Variants in ATAD5 observed in about 807,000 individuals in gnomAD.
The protein encoded by ATAD5 is ATPase family AAA domain containing 5.
ATAD5 carries 58 observed loss-of-function variants against 176.9 expected under a neutral mutation model. The observed-to-expected ratio is 0.33, with a 90% CI of 0.27 to 0.41. The LOEUF is 0.41. Ranked by LOEUF, ATAD5 falls within the 10% of genes least tolerant of loss-of-function variation. The pLI is 1.00. For missense variants in ATAD5, 1,789 were observed against 2,094.1 expected (o/e 0.85, Z 2.84); for synonymous variants, 640 against 712.6 (o/e 0.90, Z 1.62).
rs770875593 is a variant in ATAD5, at chr17:30,855,218, G to T, written c.2526G>T (p.Leu842Phe). 1 of 1,614,112 alleles carries T rather than the reference G, an allele frequency of 6.2e-7. No individual in the cohort carries two copies. Among genetic ancestry groups the T allele is most frequent in the Non-Finnish European group, 8.5e-7 (1 of 1,179,998 alleles). Residue 842 changes from leucine (L) to phenylalanine (F), a missense_variant, in exon 7 of 23, where the codon TTG (leucine) becomes TTT (phenylalanine). Physicochemically the swap from Leu to Phe is conservative, Grantham distance 22. Around this residue, in one of 6 missense-constraint regions of ATAD5, gnomAD observed 487 missense variants for 573.6 expected, o/e 0.85. Coordinates refer to ENST00000321990, the MANE Select transcript of ATAD5 (RefSeq NM_024857.5). ...KAKRDFLMSG[L>F]PDLLKRQIAK... is the part of the protein sequence containing the mutation. The stretch of plus-strand genomic sequence containing the variant: ...AGCGTGACTTCCTAATGAGTGGTTT[G>T]CCAGATTTGTTGAAACGGCAAATTG...
rs958403731 is a variant in ATAD5 at position 30,894,484 on chromosome 17, G to C, written c.5298-80G>C. 10 of 1,402,608 alleles carry C rather than the reference G, an allele frequency of 7.1e-6. No individual in the cohort carries two copies. In the Admixed American group the frequency reaches 1.9e-4, roughly 26 times the overall value. 86.9% of individuals were successfully genotyped at this position (1,402,608 alleles called of 1,614,324 possible). A position where few individuals can be genotyped will look rare whatever the true frequency, so the allele number is the denominator to read the frequency against. On this transcript the variant is annotated intron_variant, in intron 21 of 22. Transcript: ENST00000321990. ...GTCATCTGGTCTAGACCAGAGGCAA[G>C]GAAACTAAACTGGTTGTGATTGGGA...
intron 10 of ATAD5, chr17:30,862,812 A>G (rs7342938): frequency 0.24 from 35,798 of 152,092 alleles, 6,428 homozygotes; most frequent in African/African-American, 0.5. Flanking sequence ...TACAGGATGA[A>G]TATCCCTAAT....
At chr17:30,865,855 T>C in intron 11 of ATAD5, 55 bp downstream of exon 11, 1 of 1,209,228 alleles carries the variant, frequency 8.3e-7, no homozygotes, top group Non-Finnish European at 1.2e-6. Context: ...GTTTTACTGT[T>C]TTTGTTTCGA....
At position 30,858,255 on chromosome 17, in the gene ATAD5, A is replaced by G; in HGVS notation, c.2888A>G (p.Tyr963Cys). 1 of 1,598,170 alleles carries G rather than the reference A, an allele frequency of 6.3e-7. No individual in the cohort carries two copies. The highest frequency in any genetic ancestry group is 8.5e-7 in the Non-Finnish European group (1 of 1,172,376). Residue 963 changes from tyrosine to cysteine, a missense_variant, in exon 9 of 23, where the codon TAT becomes TGT. Coordinates refer to ENST00000321990, the MANE Select transcript of ATAD5 (RefSeq NM_024857.5). The part of the protein sequence containing the change: ...WSNPEFSLKK[Y>C]FPLLLKKQIE... ...AATCCTGAATTTTCATTGAAAAAAT[A>G]TTTTCCCTTACTCCTAAAAAAACAA...
chr17:30,845,482 T>G (rs1229977403), intron 6 of ATAD5, among the ~76,000 whole-genome samples: 1 of 152,174 alleles, frequency 6.6e-6, no homozygotes. Flanking sequence ...CAGAGAGAAC[T>G]GTCTATGTAA....
chr17:30,852,871 A>T (rs1174106920), intron 6 of ATAD5, among the ~76,000 whole-genome samples: 8 of 151,108 alleles, frequency 5.3e-5, no homozygotes, highest in Non-Finnish European at 1.2e-4. Context: ...TGCCTCCAAC[A>T]TTGGAGGTTA....
intron 18 of ATAD5, 96 bp from the exon 19 acceptor site, chr17:30,887,096 G>A (rs1909364649): frequency 9.1e-7 from 1 of 1,094,326 alleles, no homozygotes; most frequent in East Asian, 2.8e-5. Context: ...GTGAATTTTA[G>A]CAAAATTTGT....
At chr17:30,894,177 T>A in intron 21 of ATAD5, 27 bp downstream of exon 21, 1 of 1,488,170 alleles carries the variant, frequency 6.7e-7, no homozygotes. Flanking sequence ...TTACTTTTTA[T>A]TTTTTGGTAA....
At position 30,893,695 on chromosome 17, in the gene ATAD5, A is replaced by G. The variant is rs1161002522; in HGVS notation, c.4842A>G (p.Arg1614=). Residue 1614 remains arginine, a synonymous_variant, in exon 21 of 23, where the codon AGA becomes AGG. Transcript: ENST00000321990. ...CCGGAGACGAAGAAAGCAAAGCCAG[A>G]GACAAAGGAAACAATCCAGAGACAA... ...SKTGDEESKA[R]DKGNNPETKK... 6.2e-7 allele frequency: 1 copy of G among 1,613,506 alleles called. No homozygotes were observed. Among genetic ancestry groups the G allele is most frequent in the Admixed American group, 1.7e-5 (1 of 59,916 alleles).
At chr17:30,847,076 A>G (rs1906554080) in intron 6 of ATAD5, among the ~76,000 whole-genome samples, 1 of 152,088 alleles carries the variant, frequency 6.6e-6, no homozygotes, top group Non-Finnish European at 1.5e-5. Flanking sequence ...ATAAAAATAT[A>G]GAACATTTTC....
chr17:30,876,030 G>A (rs778480639), intron 14 of ATAD5, among the ~76,000 whole-genome samples: 24 of 151,420 alleles, frequency 1.6e-4, no homozygotes, highest in Non-Finnish European at 3.4e-4. Context: ...CCAGCTACTC[G>A]GGAGGCTGAG....
chr17:30,879,496 T>TGGAGCAGCC lies in ATAD5; in HGVS notation c.4077+9_4077+10insGGAGCAGCC. 1 of 1,583,942 alleles carries TGGAGCAGCC rather than the reference T, an allele frequency of 6.3e-7. No individual in the cohort carries two copies. Among genetic ancestry groups the TGGAGCAGCC allele is most frequent in the Non-Finnish European group, 8.5e-7 (1 of 1,169,748 alleles). The stretch of plus-strand genomic sequence containing the variant: ...TCAGTACTCCTTCCCTGGTAAGTTT[T>TGGAGCAGCC]AAATTTTGATAGCCACAAATTACAT... On this transcript the variant is annotated intron_variant, in intron 18 of 22. Transcript: ENST00000321990.
intron 6 of ATAD5, among the ~76,000 whole-genome samples, chr17:30,852,021 G>A (rs958111982): frequency 4.6e-5 from 7 of 152,108 alleles, no homozygotes; most frequent in African/African-American, 1.7e-4. Flanking sequence ...CTGCAATTAT[G>A]GGCCTTAATA....
intron 4 of ATAD5, among the ~76,000 whole-genome samples, chr17:30,843,631 CAGAG>C (rs947807085): frequency 5.5e-5 from 8 of 145,442 alleles, no homozygotes; most frequent in African/African-American, 1.8e-4. Context: ...GCCTGGGCGA[CAGAG>C]AGAGACTCCA....
intron 20 of ATAD5, 36 bp downstream of exon 20, chr17:30,892,824 T>C (rs2142457974): frequency 2.1e-6 from 3 of 1,457,110 alleles, no homozygotes; most frequent in South Asian, 1.4e-5. Context: ...GTTGAATTTA[T>C]ATTCCTTTTC....
chr17:30,834,145 C>A lies in ATAD5; in HGVS notation c.67-3C>A. On this transcript the variant is annotated splice_polypyrimidine_tract_variant and splice_region_variant and intron_variant, in intron 1 of 22. Transcript: ENST00000321990. ...AGTGCCTTTTTCTCTTTTAAATTGC[C>A]AGCCATGCAAAAAGCGAAAGAAAGA... is the stretch of plus-strand genomic sequence containing the variant. 6.5e-7 allele frequency: 1 copy of A among 1,527,940 alleles called. No homozygotes were observed. The highest frequency in any genetic ancestry group is 8.7e-7 in the Non-Finnish European group (1 of 1,143,518). The allele number at this position is 1,527,940 out of a possible 1,614,324, so 94.6% of individuals were successfully genotyped here. A position where few individuals can be genotyped will look rare whatever the true frequency, so the allele number is the denominator to read the frequency against.
rs1906843988 is a variant in ATAD5 at position 30,850,828 on chromosome 17, T to C, written c.2451-4315T>C. The stretch of plus-strand genomic sequence containing the variant: ...AAAGAAATTATTATTTATATTTATA[T>C]ATTTTTATATATATATATATATATA... On this transcript the variant is annotated intron_variant, in intron 6 of 22. Transcript: ENST00000321990. Among the ~76,000 whole-genome samples the C allele has an allele frequency of 8.1e-5, 3 of 36,880 alleles. No homozygotes were observed. In the South Asian group the frequency reaches 2.7e-3, roughly 33 times the overall value. The allele number at this position is 36,880 out of a possible 152,430, so 24.2% of individuals were successfully genotyped here.
At position 30,832,339 on chromosome 17, in the gene ATAD5, G is replaced by A. The variant is rs769948582; in HGVS notation, c.-9G>A. 7 of 1,547,090 alleles carry A rather than the reference G, an allele frequency of 4.5e-6. No individual in the cohort carries two copies. The highest frequency in any genetic ancestry group is 6.1e-6 in the Non-Finnish European group (7 of 1,144,996). On this transcript the variant is annotated 5_prime_UTR_variant, in exon 1 of 23. Transcript: ENST00000321990. ...GTCCTAGGAGACGGGATTCCGGGAA[G>A]CGGGGAGTATGGTGGGGGTCCTGGC...
In ATAD5 at chr17:30,836,179, T is replaced by TC. The variant is rs1181517886; in HGVS notation, c.1967+132dup. 14 of 840,502 alleles carry TC rather than the reference T, an allele frequency of 1.7e-5. No individual in the cohort carries two copies. In the East Asian group the frequency reaches 4.2e-4, roughly 25 times the overall value. 52.1% of individuals were successfully genotyped at this position (840,502 alleles called of 1,614,324 possible). ...TGTTTAAAAGAAAAAGAACAGGATT[T>TC]CTTTTTTTTTTTTCTTTGAGATGGA... On this transcript the variant is annotated intron_variant, in intron 2 of 22. Transcript: ENST00000321990.
Sources: allele counts gnomAD v4.1 joint callset (sites outside exome capture counted in the v4.1 genomes callset), GRCh38; gene constraint gnomAD v4.1.1; regional missense constraint gnomAD v4.1.1; transcripts MANE v1.5; gene names NCBI Gene and HGNC (gene_info 2026-07-23, HGNC 2026-07-21).